The following FRMD4B variants were observed in gnomAD, a reference collection of about 807,000 sequenced individuals.
FRMD4B encodes FERM domain-containing protein 4B.
In FRMD4B, 74 loss-of-function variants were observed where a neutral mutation model predicts 141.5. That is an observed-to-expected ratio of 0.52 (90% confidence interval 0.43 to 0.63). FRMD4B has a LOEUF of 0.63. FRMD4B is among the 30% of genes least tolerant of loss of function. The probability of loss-of-function intolerance (pLI) is 0.00; values close to 1 mark genes in which losing one functional copy is unlikely to be tolerated. For synonymous variants in FRMD4B, 506 were observed against 467.9 expected (o/e 1.08, Z -1.05); for missense variants, 1,366 against 1,253.4 (o/e 1.09, Z -1.36).
At chr3:69,480,992 G>A (rs894554362) in intron 1 of FRMD4B, among the ~76,000 whole-genome samples, 13 of 152,158 alleles carry the variant, frequency 8.5e-5, no homozygotes, top group Non-Finnish European at 1.8e-4. Flanking sequence ...GCGAGACTCC[G>A]TGGGCTTAGG....
At chr3:69,192,359 G>T (rs1174215333) in intron 17 of FRMD4B, among the ~76,000 whole-genome samples, 1 of 151,964 alleles carries the variant, frequency 6.6e-6, no homozygotes, top group Non-Finnish European at 1.5e-5. Context: ...TTGGGCCACA[G>T]AAAGAGATCC....
Position 69,179,093 on chromosome 3 carries a change from G to A in FRMD4B, c.2851+1806C>T, listed in dbSNP as rs549560733. Among the ~76,000 whole-genome samples, 6 of 152,158 alleles carry A rather than the reference G, an allele frequency of 3.9e-5. No homozygotes were observed. The South Asian group carries it at 1.0e-3, about 26-fold the overall frequency. ...TTTAAAGTGGAGACAGAAATGAGGGGAATTCCAGCAGGGAATTCTGGGAGT... is the reference window on the plus strand; with the variant it reads ...TTTAAAGTGGAGACAGAAATGAGGGAAATTCCAGCAGGGAATTCTGGGAGT... On this transcript the variant is annotated intron_variant, in intron 21 of 22. Coordinates refer to ENST00000398540, the MANE Select transcript of FRMD4B (RefSeq NM_015123.3).
intron 1 of FRMD4B, among the ~76,000 whole-genome samples, chr3:69,502,797 C>T (rs1706522130): frequency 1.3e-5 from 2 of 151,854 alleles, no homozygotes. Flanking sequence ...TGACAAAGGG[C>T]TAATATCCAG....
chr3:69,276,504 G>A (rs978731615), intron 5 of FRMD4B, among the ~76,000 whole-genome samples: 1 of 152,090 alleles, frequency 6.6e-6, no homozygotes, highest in African/African-American at 2.4e-5. Flanking sequence ...AATCTCCTGG[G>A]CTCAAGCAAT....
At chr3:69,250,281 CTGTGTGTGCG>C in intron 5 of FRMD4B, 182 bp from the exon 6 acceptor site, 1 of 511,730 alleles carries the variant, frequency 2.0e-6, no homozygotes, top group Admixed American at 3.7e-5. Flanking sequence ...GGCGAAACCA[CTGTGTGTGCG>C]TGTGTGTGTG....
At position 69,194,030 on chromosome 3, in the gene FRMD4B, C is replaced by G. The variant is rs372384927; in HGVS notation, c.1489-157G>C. Among the ~76,000 whole-genome samples, 20 of 152,348 alleles carry G rather than the reference C, an allele frequency of 1.3e-4. No individual in the cohort carries two copies. In the East Asian group the frequency reaches 2.7e-3, roughly 21 times the overall value. On this transcript the variant is annotated intron_variant, in intron 16 of 22. Coordinates refer to ENST00000398540, the MANE Select transcript of FRMD4B (RefSeq NM_015123.3). ...ACTGCATAGACATCCTTGTCAAACA[C>G]TTTCCTTTACTCGTCTTAACTTCAA... is the stretch of plus-strand genomic sequence containing the variant.
chr3:69,205,749 T>C (rs952563546), intron 11 of FRMD4B, among the ~76,000 whole-genome samples: 1 of 152,222 alleles, frequency 6.6e-6, no homozygotes, highest in Admixed American at 6.5e-5. Context: ...TAAATGTCTA[T>C]GGTGCTGAGA....
intron 1 of FRMD4B, among the ~76,000 whole-genome samples, chr3:69,331,756 A>G (rs1363036331): frequency 1.3e-5 from 2 of 152,036 alleles, no homozygotes; most frequent in Non-Finnish European, 2.9e-5. Context: ...AAATGGTAAT[A>G]TTAATAATTA....
intron 2 of FRMD4B, among the ~76,000 whole-genome samples, chr3:69,420,625 A>C (rs1211762423): frequency 2.0e-5 from 3 of 152,222 alleles, no homozygotes; most frequent in Non-Finnish European, 2.9e-5. Context: ...TTGGTAAACA[A>C]GATTATCCCT....
At chr3:69,532,079 G>C (rs1297729938) in intron 1 of FRMD4B, among the ~76,000 whole-genome samples, 1 of 152,202 alleles carries the variant, frequency 6.6e-6, no homozygotes, top group East Asian at 1.9e-4. Flanking sequence ...ATGGCGTTCT[G>C]TGTTCCCAGT....
chr3:69,465,278 C>A (rs1367355068), intron 1 of FRMD4B, among the ~76,000 whole-genome samples: 2 of 150,812 alleles, frequency 1.3e-5, no homozygotes, highest in African/African-American at 4.9e-5. Context: ...CGAGATTGCA[C>A]CACTGCGCTC....
At chr3:69,335,315 A>G (rs1378012658) in intron 1 of FRMD4B, among the ~76,000 whole-genome samples, 1 of 151,936 alleles carries the variant, frequency 6.6e-6, no homozygotes, top group East Asian at 1.9e-4. Context: ...AAAGGCCCTG[A>G]GGCAGAACAT....
chr3:69,479,258 G>T (rs1706071160), intron 1 of FRMD4B, among the ~76,000 whole-genome samples: 1 of 150,530 alleles, frequency 6.6e-6, no homozygotes, highest in Admixed American at 6.6e-5. Context: ...TATGATGTTA[G>T]CTGGTTATTT....
intron 1 of FRMD4B, among the ~76,000 whole-genome samples, chr3:69,473,619 T>A (rs1705931982): frequency 6.6e-6 from 1 of 152,150 alleles, no homozygotes. Flanking sequence ...TTTCCCAACA[T>A]CCTTAGGTTT....
At chr3:69,282,057 A>G (rs905075808) in intron 5 of FRMD4B, among the ~76,000 whole-genome samples, 4 of 152,118 alleles carry the variant, frequency 2.6e-5, no homozygotes, top group Admixed American at 6.6e-5. Flanking sequence ...CATACTCATG[A>G]GGCTGAATTT....
At chr3:69,357,805 T>C (rs894623120) in intron 1 of FRMD4B, among the ~76,000 whole-genome samples, 2 of 152,224 alleles carry the variant, frequency 1.3e-5, no homozygotes, top group African/African-American at 4.8e-5. Flanking sequence ...GAGGACAAAC[T>C]TGAAGACCAG....
intron 1 of FRMD4B, among the ~76,000 whole-genome samples, chr3:69,517,324 C>T (rs978658165): frequency 2.0e-5 from 3 of 151,996 alleles, no homozygotes; most frequent in Admixed American, 6.6e-5. Context: ...TGTGATGGCT[C>T]GCCCAAATAC....
Position 69,311,268 on chromosome 3 carries a change from A to G in FRMD4B, c.318T>C (p.Asp106=). 6.9e-7 allele frequency: 1 copy of G among 1,458,706 alleles called. No individual in the cohort carries two copies. The highest frequency in any genetic ancestry group is 9.6e-7 in the Non-Finnish European group (1 of 1,040,014). 90.4% of individuals were successfully genotyped at this position (1,458,706 alleles called of 1,614,324 possible). A position where few individuals can be genotyped will look rare whatever the true frequency, so the allele number is the denominator to read the frequency against. Residue 106 remains aspartate (D), a synonymous_variant, in exon 3 of 23, where the codon GAT becomes GAC. Coordinates refer to ENST00000398540, the MANE Select transcript of FRMD4B (RefSeq NM_015123.3). ...AAAACTATTAAAGGACTTACGTGTCATCTATGAATGTTATTCCAAAATACT... is the reference window on the plus strand; with the variant it reads ...AAAACTATTAAAGGACTTACGTGTCGTCTATGAATGTTATTCCAAAATACT... ...EKEYFGITFI[D]DTGQQNWLQL... is the part of the protein sequence containing the mutation.
chr3:69,335,216 A>C (rs1275029199), intron 1 of FRMD4B, among the ~76,000 whole-genome samples: 1 of 152,188 alleles, frequency 6.6e-6, no homozygotes, highest in Non-Finnish European at 1.5e-5. Flanking sequence ...CTATTTGAGG[A>C]GGCAACATTT....
Sources: gnomAD v4.1 joint callset for allele counts (sites outside exome capture counted in the v4.1 genomes callset) on GRCh38, gnomAD v4.1.1 for gene constraint, MANE v1.5 for transcripts, NCBI Gene and HGNC (gene_info 2026-07-23, HGNC 2026-07-21) for gene names.